Variants in INSYN2B observed in about 807,000 individuals in gnomAD.
The protein encoded by INSYN2B is inhibitory synaptic factor family member 2B.
A neutral mutation model predicts 41.2 loss-of-function variants in INSYN2B; 16 were observed. The ratio of observed to expected loss-of-function variants is 0.39; its 90% CI spans 0.26 to 0.59. The LOEUF is 0.59. Among genes scored for constraint, INSYN2B ranks in the 20% least tolerant of loss-of-function variants. INSYN2B has a pLI of 0.57. For missense variants in INSYN2B, 608 were observed against 646.4 expected (o/e 0.94, Z 0.64); for synonymous variants, 245 against 244.4 (o/e 1.00, Z -0.02).
intron 1 of INSYN2B, among the ~76,000 whole-genome samples, chr5:169,952,983 A>C (rs1279395533): frequency 6.6e-6 from 1 of 152,182 alleles, no homozygotes; most frequent in Non-Finnish European, 1.5e-5. Context: ...TATTCAATAT[A>C]CTTATTTATT....
At chr5:169,895,358 C>G (rs369568210) in intron 1 of INSYN2B, among the ~76,000 whole-genome samples, 12 of 152,242 alleles carry the variant, frequency 7.9e-5, no homozygotes, top group East Asian at 5.8e-4. Flanking sequence ...CACCCAGCCT[C>G]AACCCCACTT....
At chr5:169,969,464 A>C (rs1777422537) in intron 1 of INSYN2B, among the ~76,000 whole-genome samples, 1 of 152,210 alleles carries the variant, frequency 6.6e-6, no homozygotes. Flanking sequence ...AGAAAAAAGA[A>C]AAAAATGAAT....
intron 1 of INSYN2B, among the ~76,000 whole-genome samples, chr5:169,965,354 T>A (rs1446425573): frequency 6.6e-6 from 1 of 152,228 alleles, no homozygotes; most frequent in Non-Finnish European, 1.5e-5. Flanking sequence ...CAGGCCACAC[T>A]CTGAGTAGCA....
intron 1 of INSYN2B, among the ~76,000 whole-genome samples, chr5:169,887,716 T>C (rs1773051253): frequency 6.6e-6 from 1 of 152,266 alleles, no homozygotes; most frequent in South Asian, 2.1e-4. Flanking sequence ...AGCTCTTGTC[T>C]AATTATCTTC....
At chr5:169,934,624 T>G (rs1775903268) in intron 1 of INSYN2B, 1 of 456,130 alleles carries the variant, frequency 2.2e-6, no homozygotes, top group African/African-American at 2.0e-5. Context: ...TACTTCCCCT[T>G]GCTAAGTCTT....
At chr5:169,881,521 T>C in intron 2 of INSYN2B, 79 bp from the exon 3 acceptor site, 1 of 1,071,886 alleles carries the variant, frequency 9.3e-7, no homozygotes, top group Non-Finnish European at 1.4e-6. Flanking sequence ...ACTTGTCCCT[T>C]AGTCCCTATA....
intron 1 of INSYN2B, among the ~76,000 whole-genome samples, chr5:169,946,047 G>C (rs1776435244): frequency 6.6e-6 from 1 of 152,156 alleles, no homozygotes; most frequent in Non-Finnish European, 1.5e-5. Context: ...CATCAGCTGA[G>C]CAAAGCTCCT....
intron 1 of INSYN2B, among the ~76,000 whole-genome samples, chr5:169,973,073 ACTC>A (rs985664352): frequency 7.9e-5 from 12 of 151,932 alleles, no homozygotes. Flanking sequence ...ACTCCTCTTC[ACTC>A]CTCAAGAAGG....
chr5:169,883,508 C>T lies in INSYN2B; in HGVS notation c.391G>A (p.Ala131Thr), dbSNP rs1398356679. 1.9e-6 allele frequency: 3 copies of T among 1,551,592 alleles called. No individual in the cohort carries two copies. The highest frequency in any genetic ancestry group is 3.9e-5 in the Admixed American group (2 of 50,992). The change falls in exon 2 of 4, where the codon GCC becomes ACC. Residue 131 changes from alanine (A) to threonine (T), a missense_variant. Physicochemically the swap from Ala to Thr is moderately conservative, Grantham distance 58. Coordinates refer to ENST00000377365, the MANE Select transcript of INSYN2B (RefSeq NM_001129891.3). ...GAGAGGTTACCGTTGACCTGGATGG[C>T]ACTTTGGGAGGCTGTTGGCATTTCC... ...LVEMPTASQS[A>T]IQVNGNLSEQ...
rs533550826 is a variant in INSYN2B, at chr5:169,925,418, A to G, written c.-918-40602T>C. ...AACATGGTGAAACCCCATCTTTACT[A>G]AAATTACAAAAATTAACTGAGCGTG... On this transcript the variant is annotated intron_variant, in intron 1 of 3. Transcript: ENST00000377365. Among the ~76,000 whole-genome samples, 26 of 152,140 alleles carry G rather than the reference A, an allele frequency of 1.7e-4. 1 individual carries two copies. The South Asian group carries it at 5.0e-3, about 29-fold the overall frequency.
chr5:169,881,008 C>A (rs1188865282), intron 3 of INSYN2B, among the ~76,000 whole-genome samples: 1 of 152,170 alleles, frequency 6.6e-6, no homozygotes, highest in East Asian at 1.9e-4. Context: ...TTTGAAAAAT[C>A]TGGATGTGAG....
chr5:169,950,137 C>G (rs1776599778), intron 1 of INSYN2B, among the ~76,000 whole-genome samples: 1 of 152,148 alleles, frequency 6.6e-6, no homozygotes, highest in African/African-American at 2.4e-5. Context: ...TCTTTCTGTT[C>G]TACTATCATG....
chr5:169,898,896 T>C (rs948960555), intron 1 of INSYN2B, among the ~76,000 whole-genome samples: 1 of 152,066 alleles, frequency 6.6e-6, no homozygotes, highest in Admixed American at 6.5e-5. Flanking sequence ...CAGATGGAAA[T>C]GAGCAACCAC....
intron 1 of INSYN2B, among the ~76,000 whole-genome samples, chr5:169,927,742 G>A (rs1445942896): frequency 2.6e-5 from 4 of 152,206 alleles, no homozygotes; most frequent in African/African-American, 7.2e-5. Flanking sequence ...TCAGCCTCCC[G>A]AGTAGCTGGG....
rs1561793371 is a variant in INSYN2B at position 169,883,408 on chromosome 5, A to G, written c.491T>C (p.Val164Ala). 1 of 1,551,564 alleles carries G rather than the reference A, an allele frequency of 6.4e-7. No individual in the cohort carries two copies. The highest frequency in any genetic ancestry group is 8.7e-7 in the Non-Finnish European group (1 of 1,146,948). Residue 164 changes from valine (V) to alanine (A), a missense_variant, in exon 2 of 4, where the codon GTC (valine) becomes GCC (alanine). Physicochemically the swap from Val to Ala is moderately conservative, Grantham distance 64. Transcript: ENST00000377365. ...AQHLEDGPRR[V>A]KVSHAFLPRV... ...TGGGAGGAATGCATGGGACACCTTG[A>G]CCCTTCGAGGCCCATCCTCAAGATG...
intron 1 of INSYN2B, among the ~76,000 whole-genome samples, chr5:169,901,773 A>G (rs1291680809): frequency 6.6e-6 from 1 of 152,222 alleles, no homozygotes; most frequent in Non-Finnish European, 1.5e-5. Flanking sequence ...GATGGCTTCT[A>G]ATAGGCTTTC....
Position 169,894,706 on chromosome 5 carries a change from T to G in INSYN2B, c.-918-9890A>C, listed in dbSNP as rs367893562. Among the ~76,000 whole-genome samples the G allele has an allele frequency of 2.6e-5, 4 of 152,330 alleles. No homozygotes were observed. The East Asian group carries it at 5.8e-4, about 22-fold the overall frequency. On this transcript the variant is annotated intron_variant, in intron 1 of 3. Coordinates refer to ENST00000377365, the MANE Select transcript of INSYN2B (RefSeq NM_001129891.3). ...TGAGTAAACAGCGTGCCCAGCAGCATGTGCAACACACAGTAGGTGCTCAGT... is the reference window on the plus strand; with the variant it reads ...TGAGTAAACAGCGTGCCCAGCAGCAGGTGCAACACACAGTAGGTGCTCAGT...
intron 1 of INSYN2B, among the ~76,000 whole-genome samples, chr5:169,943,169 C>G (rs1036291023): frequency 6.6e-6 from 1 of 152,148 alleles, no homozygotes; most frequent in South Asian, 2.1e-4. Context: ...CTAAAGTACC[C>G]GTGTGAAGTT....
intron 1 of INSYN2B, among the ~76,000 whole-genome samples, chr5:169,961,745 A>G (rs1224000456): frequency 6.6e-6 from 1 of 152,112 alleles, no homozygotes. Flanking sequence ...TGGGAGGCCG[A>G]GGTGGGCAGA....
Sources: gnomAD v4.1 joint callset for allele counts (sites outside exome capture counted in the v4.1 genomes callset) on GRCh38, gnomAD v4.1.1 for gene constraint, MANE v1.5 for transcripts, NCBI Gene and HGNC (gene_info 2026-07-23, HGNC 2026-07-21) for gene names.